CERS4: variants seen among roughly 807,000 people sequenced by gnomAD.
CERS4 encodes ceramide synthase 4.
Under a neutral mutation model 51.8 loss-of-function variants are expected in CERS4, and 65 were observed. The observed-to-expected ratio is 1.26, with a 90% CI of 1.03 to 1.54. CERS4 has a LOEUF of 1.54. Ranked by LOEUF, CERS4 falls within the 40% of genes most tolerant of loss-of-function variation. The probability of loss-of-function intolerance (pLI) is 0.00; values close to 1 mark genes in which losing one functional copy is unlikely to be tolerated. For missense variants in CERS4, 563 were observed against 500.4 expected (o/e 1.13, Z -1.19); for synonymous variants, 228 against 208.4 (o/e 1.09, Z -0.81).
At chr19:8,222,112 T>G (rs1382874219) in intron 2 of CERS4, 2 of 151,730 alleles carry the variant, frequency 1.3e-5, no homozygotes, top group Non-Finnish European at 2.9e-5. Context: ...AATCTCCTGA[T>G]CTCGTGATCC....
intron 2 of CERS4, among the ~76,000 whole-genome samples, chr19:8,247,530 C>T (rs1968841658): frequency 1.3e-5 from 2 of 152,100 alleles, no homozygotes; most frequent in Admixed American, 1.3e-4. Context: ...AGTCGTACTC[C>T]CACATCAGCT....
chr19:8,226,790 C>T (rs915889891), intron 2 of CERS4, among the ~76,000 whole-genome samples: 6 of 151,868 alleles, frequency 4.0e-5, no homozygotes, highest in African/African-American at 9.7e-5. Context: ...GTCAAGAGTT[C>T]GAGACCAGCC....
intron 2 of CERS4, among the ~76,000 whole-genome samples, chr19:8,237,191 A>G (rs1376886047): frequency 2.0e-5 from 3 of 151,972 alleles, no homozygotes; most frequent in African/African-American, 7.2e-5. Context: ...TAGCTCACTC[A>G]GCCTCCAGCT....
chr19:8,219,674 C>T (rs1967448402), intron 2 of CERS4, among the ~76,000 whole-genome samples: 1 of 151,928 alleles, frequency 6.6e-6, no homozygotes. Context: ...AAAAAATTAG[C>T]CAGGTGTGGT....
At chr19:8,216,767 T>A (rs1967317415) in intron 2 of CERS4, among the ~76,000 whole-genome samples, 1 of 152,038 alleles carries the variant, frequency 6.6e-6, no homozygotes. Flanking sequence ...TGTGAAGTGA[T>A]GTCAGCCATC....
At chr19:8,245,168 G>T (rs932293278) in intron 2 of CERS4, among the ~76,000 whole-genome samples, 8 of 147,534 alleles carry the variant, frequency 5.4e-5, no homozygotes, top group Non-Finnish European at 9.0e-5. Context: ...TCCTGCCTCA[G>T]TCTCCCAACG....
intron 3 of CERS4, among the ~76,000 whole-genome samples, chr19:8,252,369 T>TAA (rs57107362): frequency 0.014 from 1,986 of 144,384 alleles, 20 homozygotes; most frequent in Non-Finnish European, 0.022. Context: ...AAACTCCATC[T>TAA]AAAAAAAAAA....
intron 2 of CERS4, among the ~76,000 whole-genome samples, chr19:8,248,110 G>A (rs754493882): frequency 2.3e-4 from 35 of 152,046 alleles, no homozygotes; most frequent in Admixed American, 2.0e-3. Flanking sequence ...TTAAAATCAC[G>A]CCACTCTGTT....
At chr19:8,256,071 T>C in intron 6 of CERS4, 165 bp from the exon 7 acceptor site, 1 of 945,998 alleles carries the variant, frequency 1.1e-6, no homozygotes, top group Non-Finnish European at 1.6e-6. Context: ...AAGTTGGGGT[T>C]CTGCAGTGAA....
At chr19:8,219,243 C>T (rs749543942) in intron 2 of CERS4, among the ~76,000 whole-genome samples, 4 of 152,150 alleles carry the variant, frequency 2.6e-5, no homozygotes, top group Non-Finnish European at 5.9e-5. Flanking sequence ...TCACAGAGAA[C>T]TCCAGCTGCC....
chr19:8,211,781 G>A lies in CERS4; in HGVS notation c.-2+919G>A, dbSNP rs1337143910. On this transcript the variant is annotated intron_variant, in intron 2 of 11. Coordinates refer to ENST00000251363, the MANE Select transcript of CERS4 (RefSeq NM_024552.3). The stretch of plus-strand genomic sequence containing the variant: ...GTGGCATGTACCTGTAATCTCAGCT[G>A]CATGGGAGACTGAGGCAGGAGAATC... Among the ~76,000 whole-genome samples, 3 of 151,106 alleles carry A rather than the reference G, an allele frequency of 2.0e-5. No individual in the cohort carries two copies. In the South Asian group the frequency reaches 6.3e-4, roughly 32 times the overall value.
chr19:8,228,724 T>TAA (rs72528600), intron 2 of CERS4, among the ~76,000 whole-genome samples: 70,857 of 150,088 alleles, frequency 0.47, 17,093 homozygotes, highest in Non-Finnish European at 0.53. Context: ...CCACTCCTTA[T>TAA]AAAAAAAAAT....
At chr19:8,257,791 C>G in intron 9 of CERS4, 88 bp from the exon 10 acceptor site, 1 of 977,622 alleles carries the variant, frequency 1.0e-6, no homozygotes, top group Non-Finnish European at 1.6e-6. Flanking sequence ...AGGCCCCACC[C>G]CAACTCACCT....
intron 2 of CERS4, among the ~76,000 whole-genome samples, chr19:8,229,490 C>A (rs1188967042): frequency 1.3e-5 from 2 of 152,106 alleles, no homozygotes; most frequent in Non-Finnish European, 2.9e-5. Context: ...TCACTGCAAC[C>A]TCCGTCTCCT....
chr19:8,257,976 T>C lies in CERS4; in HGVS notation c.839T>C (p.Phe280Ser). 1 of 1,613,612 alleles carries C rather than the reference T, an allele frequency of 6.2e-7. No individual in the cohort carries two copies. Reference protein sequence around the residue: ...FVFFYTRLVLFPTQILYTTYY... With the variant: ...FVFFYTRLVLSPTQILYTTYY... ...TTCTTCTACACCCGACTGGTCCTCT[T>C]TCCCACCCAGTGAGTCAGCCCTCCC... The change falls in exon 10 of 12, where the codon TTT (phenylalanine) becomes TCT (serine). Residue 280 changes from phenylalanine (F) to serine (S), a missense_variant. By Grantham distance (155) the Phe-to-Ser change is radical (BLOSUM62 -2). Transcript: ENST00000251363.
intron 3 of CERS4, among the ~76,000 whole-genome samples, chr19:8,252,489 A>T (rs999698840): frequency 2.7e-5 from 4 of 150,266 alleles, no homozygotes; most frequent in African/African-American, 9.8e-5. Flanking sequence ...CCTTGGCTGG[A>T]GTACAGTGGC....
chr19:8,256,692 C>CT lies in CERS4; in HGVS notation c.597dup (p.Asp200Ter), dbSNP rs1264328203. 2 of 1,613,600 alleles carry CT rather than the reference C, an allele frequency of 1.2e-6. No homozygotes were observed. Among genetic ancestry groups the CT allele is most frequent in the African/African-American group, 2.7e-5 (2 of 74,896 alleles). ...ACCTCTCACTGCTAATCAGGCTGCC[C>CT]TTTGATGTCAAGCGCAAGGTGAGGC... On this transcript the variant is annotated frameshift_variant, in exon 8 of 12. Transcript: ENST00000251363. LOFTEE classifies it high-confidence loss of function.
chr19:8,237,778 G>A lies in CERS4; in HGVS notation c.-1-13298G>A, dbSNP rs186605999. ...AGGCAGGAGAATGGCGTGAACCCGGGAGGTGGAGCTTGCAGTGAGCCGAGA... is the reference window on the plus strand; with the variant it reads ...AGGCAGGAGAATGGCGTGAACCCGGAAGGTGGAGCTTGCAGTGAGCCGAGA... On this transcript the variant is annotated intron_variant, in intron 2 of 11. Coordinates refer to ENST00000251363, the MANE Select transcript of CERS4 (RefSeq NM_024552.3). 3.2e-3 allele frequency among the ~76,000 whole-genome samples: 491 copies of A among 152,218 alleles called. 16 individuals carry two copies. Among genetic ancestry groups the A allele is most frequent in the Admixed American group, 0.03 (453 of 15,268 alleles).
intron 2 of CERS4, among the ~76,000 whole-genome samples, chr19:8,236,605 A>G (rs80058445): frequency 0.052 from 7,847 of 151,002 alleles, 672 homozygotes; most frequent in African/African-American, 0.18. Flanking sequence ...CTTAGGCCCA[A>G]GACGCAGAGG....
Sources: allele counts gnomAD v4.1 joint callset (sites outside exome capture counted in the v4.1 genomes callset), GRCh38; gene constraint gnomAD v4.1.1; transcripts MANE v1.5; gene names NCBI Gene and HGNC (gene_info 2026-07-23, HGNC 2026-07-21).